Variants in MZT2B observed in about 807,000 individuals in gnomAD.
MZT2B encodes mitotic spindle organizing protein 2B.
MZT2B carries 11 observed loss-of-function variants against 12.1 expected under a neutral mutation model. The observed-to-expected ratio is 0.91, with a 90% CI of 0.57 to 1.50. The LOEUF (loss-of-function observed/expected upper bound fraction) is 1.50, where lower values mean the gene tolerates loss of function less well. Ranked by LOEUF, MZT2B falls within the 40% of genes most tolerant of loss-of-function variation. The pLI, the probability that MZT2B is intolerant of heterozygous loss-of-function variation, is 0.00. For synonymous variants in MZT2B, 85 were observed against 109.5 expected, an observed-to-expected ratio of 0.78 and a Z score of 1.40; for missense variants, 209 against 227.7, an observed-to-expected ratio of 0.92 and a Z score of 0.53.
downstream of MZT2B, chr2:130,194,041 G>T (rs750251665): frequency 1.2e-6 from 2 of 1,614,102 alleles, no homozygotes; most frequent in African/African-American, 1.3e-5. Context: ...TGGCCAGGGG[G>T]AAGTGGATGC....
At chr2:130,185,865 G>T (rs1157777404) in intron 2 of MZT2B, among the ~76,000 whole-genome samples, 1 of 152,148 alleles carries the variant, frequency 6.6e-6, no homozygotes, top group African/African-American at 2.4e-5. Flanking sequence ...TTCCTTGAGG[G>T]CTCTGTCCTG....
chr2:130,182,231 A>G (rs1033518060), upstream of MZT2B: 1 of 1,229,724 alleles, frequency 8.1e-7, no homozygotes, highest in Non-Finnish European at 1.0e-6. Context: ...TGGTGGGCGC[A>G]GCCGCTAGGG....
At chr2:130,198,148 C>T in the MZT2B span, among the ~76,000 whole-genome samples, 1 of 122,832 alleles carries the variant, frequency 8.1e-6, no homozygotes, top group South Asian at 2.8e-4. Flanking sequence ...CACTAAAGGC[C>T]GGCAGCTTCA....
the MZT2B span, among the ~76,000 whole-genome samples, chr2:130,203,056 T>C: frequency 3.6e-5 from 5 of 139,442 alleles, no homozygotes; most frequent in East Asian, 2.0e-4. Context: ...TTCTTTTTTT[T>C]TTTTTTTTTT....
chr2:130,189,429 A>G (rs540306347), intron 2 of MZT2B, among the ~76,000 whole-genome samples: 63 of 152,294 alleles, frequency 4.1e-4, no homozygotes, highest in African/African-American at 1.3e-3. Context: ...AGGTCAGAGT[A>G]GTCAAGGCAC....
chr2:130,198,451 G>C, the MZT2B span: 29 of 1,319,798 alleles, frequency 2.2e-5, 9 homozygotes, highest in Non-Finnish European at 2.9e-5. Flanking sequence ...ACCTGCCCAC[G>C]CGCGCCGCAC....
At chr2:130,188,511 T>A (rs1690144697) in intron 2 of MZT2B, among the ~76,000 whole-genome samples, 1 of 152,218 alleles carries the variant, frequency 6.6e-6, no homozygotes, top group South Asian at 2.1e-4. Context: ...CACGAGTCAC[T>A]GCTGGGCTGA....
Position 130,182,683 on chromosome 2 carries a change from T to C in MZT2B, c.227T>C (p.Leu76Pro), listed in dbSNP as rs1277047537. The C allele has an allele frequency of 6.4e-7, 1 of 1,554,300 alleles. No homozygotes were observed. The highest frequency in any genetic ancestry group is 8.7e-7 in the Non-Finnish European group (1 of 1,149,646). Residue 76 changes from leucine (L) to proline (P), a missense_variant, in exon 2 of 3, where the codon CTC becomes CCC. Physicochemically the swap from Leu to Pro is moderately conservative, Grantham distance 98. Transcript: ENST00000281871. The stretch of plus-strand genomic sequence containing the variant: ...GCCCCCCTCGCCGTCTTCCAGATGC[T>C]CAAGTCCATGTGTGCCGGGCAGAGG... ...NVAPLAVFQM[L>P]KSMCAGQRLA...
chr2:130,197,492 C>CAAAAA, the MZT2B span, among the ~76,000 whole-genome samples: 5 of 44,166 alleles, frequency 1.1e-4, no homozygotes, highest in Non-Finnish European at 2.0e-4. Flanking sequence ...AGTGCTGTCT[C>CAAAAA]AAAAAAAAAA....
chr2:130,196,322 T>C, the MZT2B span: 16 of 1,614,136 alleles, frequency 9.9e-6, no homozygotes, highest in South Asian at 6.6e-5. Flanking sequence ...CCAGCAGGCA[T>C]TGCCGATCTG....
the MZT2B span, chr2:130,202,220 T>C: frequency 1.3e-5 from 14 of 1,041,264 alleles, no homozygotes; most frequent in East Asian, 8.1e-4. Context: ...AAAACAGTCC[T>C]GTGAATTATT....
the MZT2B span, among the ~76,000 whole-genome samples, chr2:130,201,152 T>C: frequency 6.6e-6 from 1 of 152,188 alleles, no homozygotes; most frequent in Non-Finnish European, 1.5e-5. Context: ...CTCTGAACAG[T>C]GCAATCAGGT....
chr2:130,201,998 T>C, the MZT2B span, among the ~76,000 whole-genome samples: 1 of 152,254 alleles, frequency 6.6e-6, no homozygotes, highest in African/African-American at 2.4e-5. Context: ...AATATTTATT[T>C]TTCTGATTAT....
the MZT2B span, among the ~76,000 whole-genome samples, chr2:130,197,997 C>T: frequency 2.4e-5 from 3 of 123,402 alleles, 1 homozygote; most frequent in Admixed American, 2.7e-4. Flanking sequence ...CCCCAACCCC[C>T]GTCACCGAAG....
At chr2:130,188,686 A>G (rs1417932952) in intron 2 of MZT2B, among the ~76,000 whole-genome samples, 2 of 152,050 alleles carry the variant, frequency 1.3e-5, no homozygotes, top group African/African-American at 2.4e-5. Context: ...CAAAGATCTC[A>G]TTCTCTGAGG....
At chr2:130,194,967 C>T (rs56151061), downstream of MZT2B, 608,909 of 1,538,198 alleles carry the variant, frequency 0.4, 120,888 homozygotes, top group Admixed American at 0.45. Flanking sequence ...TGTGAGCCAC[C>T]GCGCCCGGCC....
At chr2:130,183,609 C>G (rs765442608) in intron 2 of MZT2B, 34 of 1,061,224 alleles carry the variant, frequency 3.2e-5, no homozygotes, top group African/African-American at 1.6e-4. Context: ...CCTGGAAGCA[C>G]GAGGAGACCC....
chr2:130,183,118 T>C (rs1689850966), intron 2 of MZT2B: 1 of 436,530 alleles, frequency 2.3e-6, no homozygotes, highest in Admixed American at 4.0e-5. Context: ...GCCTATAATC[T>C]TTGGGACCCC....
chr2:130,181,973 C>A, upstream of MZT2B: 1 of 1,398,454 alleles, frequency 7.2e-7, no homozygotes. Flanking sequence ...ATGCCTGGCA[C>A]TGGGCTGGGT....
Sources: gnomAD v4.1 joint callset for allele counts (sites outside exome capture counted in the v4.1 genomes callset) on GRCh38, gnomAD v4.1.1 for gene constraint, MANE v1.5 for transcripts, NCBI Gene and HGNC (gene_info 2026-07-23, HGNC 2026-07-21) for gene names.